Variants in RGS7 observed in about 807,000 individuals in gnomAD.
RGS7 encodes the protein regulator of G-protein signaling 7.
Under a neutral mutation model 81.1 loss-of-function variants are expected in RGS7, and 27 were observed. The observed-to-expected ratio is 0.33, with a 90% CI of 0.25 to 0.46. RGS7 has a LOEUF of 0.46. RGS7 is among the 20% of genes least tolerant of loss of function. The pLI is 1.00. For synonymous variants in RGS7, 208 were observed against 207.7 expected (o/e 1.00, Z -0.01); for missense variants, 396 against 607.4 (o/e 0.65, Z 3.66).
At chr1:241,030,919 G>C (rs1313621947) in intron 3 of RGS7, among the ~76,000 whole-genome samples, 2 of 152,178 alleles carry the variant, frequency 1.3e-5, no homozygotes, top group East Asian at 1.9e-4. Flanking sequence ...AGCATAGGGA[G>C]TGCCCTGCCC....
intron 2 of RGS7, among the ~76,000 whole-genome samples, chr1:241,229,243 C>T (rs1046577107): frequency 3.9e-5 from 6 of 152,156 alleles, no homozygotes; most frequent in African/African-American, 1.4e-4. Flanking sequence ...AGACCTTGCT[C>T]CCCAAGAAAA....
At chr1:241,091,499 G>A (rs1002448959) in intron 3 of RGS7, among the ~76,000 whole-genome samples, 17 of 151,232 alleles carry the variant, frequency 1.1e-4, no homozygotes, top group East Asian at 1.9e-4. Context: ...AGTGAGCTGA[G>A]ATCACGCCAC....
At chr1:241,141,502 C>T (rs575039665) in intron 2 of RGS7, among the ~76,000 whole-genome samples, 2 of 152,230 alleles carry the variant, frequency 1.3e-5, no homozygotes, top group East Asian at 3.9e-4. Flanking sequence ...CTTGGGAGGC[C>T]TCAGGAAACT....
chr1:241,121,940 G>C (rs1462009516), intron 2 of RGS7, among the ~76,000 whole-genome samples: 1 of 151,972 alleles, frequency 6.6e-6, no homozygotes, highest in South Asian at 2.1e-4. Flanking sequence ...CCGAGCTTAC[G>C]CATTTCTCCC....
chr1:241,113,476 T>G (rs2065671973), intron 2 of RGS7, among the ~76,000 whole-genome samples: 3 of 152,330 alleles, frequency 2.0e-5, no homozygotes, highest in Middle Eastern at 3.4e-3. Flanking sequence ...GAGCTTTACT[T>G]TCTATAGCTG....
At chr1:240,829,176 T>TACAC (rs141693613) in intron 9 of RGS7, among the ~76,000 whole-genome samples, 2 of 151,752 alleles carry the variant, frequency 1.3e-5, no homozygotes, top group Admixed American at 6.6e-5. Context: ...ATACTACAGA[T>TACAC]ACACACACAC....
intron 6 of RGS7, among the ~76,000 whole-genome samples, chr1:240,890,885 T>G (rs541765447): frequency 6.6e-6 from 1 of 152,194 alleles, no homozygotes; most frequent in Non-Finnish European, 1.5e-5. Context: ...AATCCTAAAA[T>G]GTAGCTTGGA....
chr1:240,882,753 T>C (rs12123142), intron 6 of RGS7, among the ~76,000 whole-genome samples: 6,424 of 152,278 alleles, frequency 0.042, 178 homozygotes, highest in Non-Finnish European at 0.065. Flanking sequence ...AGAACTGTTA[T>C]TGTCATTCTA....
intron 2 of RGS7, among the ~76,000 whole-genome samples, chr1:241,277,925 C>T (rs909597298): frequency 2.0e-5 from 3 of 152,094 alleles, no homozygotes; most frequent in African/African-American, 7.2e-5. Flanking sequence ...AGTTTTTCTC[C>T]ATTTTGTTAT....
At chr1:241,274,518 T>A (rs1324783770) in intron 2 of RGS7, among the ~76,000 whole-genome samples, 2 of 152,250 alleles carry the variant, frequency 1.3e-5, no homozygotes, top group Non-Finnish European at 2.9e-5. Flanking sequence ...ATAACACTGA[T>A]GCCTATCTGA....
intron 2 of RGS7, among the ~76,000 whole-genome samples, chr1:241,217,010 G>C (rs1401243102): frequency 6.6e-6 from 1 of 152,192 alleles, no homozygotes; most frequent in Non-Finnish European, 1.5e-5. Context: ...AGTTGGTGTT[G>C]TAGAATGAAC....
chr1:241,281,670 T>C (rs1391123885), intron 2 of RGS7, among the ~76,000 whole-genome samples: 1 of 152,220 alleles, frequency 6.6e-6, no homozygotes, highest in African/African-American at 2.4e-5. Flanking sequence ...ACTTAAGGCA[T>C]TGATATATAC....
intron 2 of RGS7, among the ~76,000 whole-genome samples, chr1:241,272,004 T>C (rs2077934739): frequency 6.7e-6 from 1 of 149,052 alleles, no homozygotes; most frequent in Non-Finnish European, 1.5e-5. Flanking sequence ...TTTTTATTTT[T>C]ATTTTTTGAG....
chr1:240,962,066 T>C (rs1330019465), intron 4 of RGS7, among the ~76,000 whole-genome samples: 2 of 152,160 alleles, frequency 1.3e-5, no homozygotes, highest in Admixed American at 1.3e-4. Context: ...TGAAAGAGTA[T>C]TACACACGTA....
chr1:241,127,061 T>C lies in RGS7; in HGVS notation c.79-28299A>G, dbSNP rs557433046. On this transcript the variant is annotated intron_variant, in intron 2 of 18. Coordinates refer to ENST00000440928, the MANE Select transcript of RGS7 (RefSeq NM_001364886.1). ...AGCATCTTATGGTCTAAGGAGAATATGCACATAAACATTTAAATTTCAACT... is the reference window on the plus strand; with the variant it reads ...AGCATCTTATGGTCTAAGGAGAATACGCACATAAACATTTAAATTTCAACT... Among the ~76,000 whole-genome samples, 7 of 152,262 alleles carry C rather than the reference T, an allele frequency of 4.6e-5. No homozygotes were observed. The South Asian group carries it at 1.2e-3, about 27-fold the overall frequency.
chr1:240,879,706 T>C (rs1217040868), intron 6 of RGS7, among the ~76,000 whole-genome samples: 2 of 152,216 alleles, frequency 1.3e-5, no homozygotes, highest in Non-Finnish European at 2.9e-5. Context: ...AATTTTAATC[T>C]CAGAAACTGA....
In RGS7 at chr1:240,920,305, G is replaced by C. The variant is rs139021738; in HGVS notation, c.385+10412C>G. 8.1e-3 allele frequency: 11,527 copies of C among 1,416,016 alleles called. 72 individuals carry two copies. The highest frequency in any genetic ancestry group is 9.6e-3 in the Non-Finnish European group (9,780 of 1,015,190). 87.7% of individuals were successfully genotyped at this position (1,416,016 alleles called of 1,614,324 possible). A position where few individuals can be genotyped will look rare whatever the true frequency, so the allele number is the denominator to read the frequency against. On this transcript the variant is annotated intron_variant, in intron 6 of 18. Transcript: ENST00000440928. ...GGTGGGAATGACAACTTTGGTCGTG[G>C]AGGAAACTTCAGTGGTCATGGTGGC...
Position 240,811,937 on chromosome 1 carries a change from A to T in RGS7, c.1063T>A (p.Phe355Ile). ...EQFLKFLESEFSSENLRFWLA... is the reference protein window; with the variant it reads ...EQFLKFLESEISSENLRFWLA... ...TTTTACCTTAAATTTTCCGAGCTGAATTCTGACTCTAGAAATTTAAGGAAC... is the reference window on the plus strand; with the variant it reads ...TTTTACCTTAAATTTTCCGAGCTGATTTCTGACTCTAGAAATTTAAGGAAC... The change falls in exon 14 of 19, where the codon TTC (phenylalanine) becomes ATC (isoleucine). Residue 355 changes from phenylalanine (F) to isoleucine (I), a missense_variant. Physicochemically the swap from Phe to Ile is conservative, Grantham distance 21. Transcript: ENST00000440928. The T allele has an allele frequency of 6.2e-7, 1 of 1,613,522 alleles. No individual in the cohort carries two copies. Among genetic ancestry groups the T allele is most frequent in the Non-Finnish European group, 8.5e-7 (1 of 1,179,436 alleles).
chr1:241,173,271 T>C (rs2070865081), intron 2 of RGS7, among the ~76,000 whole-genome samples: 1 of 152,210 alleles, frequency 6.6e-6, no homozygotes, highest in African/African-American at 2.4e-5. Flanking sequence ...TCTTCATACT[T>C]TGATTGCCTG....
Sources: allele counts gnomAD v4.1 joint callset (sites outside exome capture counted in the v4.1 genomes callset), GRCh38; gene constraint gnomAD v4.1.1; transcripts MANE v1.5; gene names NCBI Gene and HGNC (gene_info 2026-07-23, HGNC 2026-07-21).